C2CD2: variants seen among roughly 807,000 people sequenced by gnomAD.
C2CD2 encodes C2 domain-containing protein 2.
C2CD2 carries 43 observed loss-of-function variants against 74.3 expected under a neutral mutation model. The observed-to-expected ratio is 0.58, with a 90% CI of 0.45 to 0.75. The LOEUF (loss-of-function observed/expected upper bound fraction) is 0.75, where lower values mean the gene tolerates loss of function less well. Among genes scored for constraint, C2CD2 ranks in the 30% least tolerant of loss-of-function variants. C2CD2 has a pLI of 0.00. For missense variants in C2CD2, 801 were observed against 916.3 expected, an observed-to-expected ratio of 0.87 and a Z score of 1.63; for synonymous variants, 422 against 390.7, an observed-to-expected ratio of 1.08 and a Z score of -0.94.
Position 41,914,672 on chromosome 21 carries a change from G to A in C2CD2, c.770C>T (p.Pro257Leu), listed in dbSNP as rs141201487. The A allele has an allele frequency of 6.8e-6, 11 of 1,613,522 alleles. No individual in the cohort carries two copies. The highest frequency in any genetic ancestry group is 9.3e-6 in the Non-Finnish European group (11 of 1,179,438). Residue 257 changes from proline (P) to leucine (L), a missense_variant, in exon 6 of 14, where the codon CCT becomes CTT. By Grantham distance (98) the Pro-to-Leu change is moderately conservative (BLOSUM62 -3). Transcript: ENST00000380486. ...STAQESCPPK[P>L]PRAHELKLLV... ...TAGCTTCAGCTCGTGAGCCCTTGGAGGTTTAGGAGGACAGGATTCCTGAGC... is the reference window on the plus strand; with the variant it reads ...TAGCTTCAGCTCGTGAGCCCTTGGAAGTTTAGGAGGACAGGATTCCTGAGC...
At chr21:41,889,476 T>C in intron 13 of C2CD2, 132 bp from the exon 14 acceptor site, 1 of 646,186 alleles carries the variant, frequency 1.5e-6, no homozygotes. Context: ...TTCAATATGC[T>C]GTCACTACCT....
chr21:41,908,190 C>G (rs77721266), intron 8 of C2CD2: 11,353 of 261,162 alleles, frequency 0.043, 425 homozygotes, highest in Middle Eastern at 0.12. Flanking sequence ...TGGGAAAATA[C>G]ACACTAAAGA....
intron 3 of C2CD2, among the ~76,000 whole-genome samples, chr21:41,919,191 T>G (rs553491197): frequency 5.9e-5 from 9 of 152,318 alleles, no homozygotes; most frequent in African/African-American, 1.9e-4. Flanking sequence ...AGTGTGAATG[T>G]GTGCATGTGC....
At chr21:41,944,664 G>T (rs1458825673) in intron 1 of C2CD2, among the ~76,000 whole-genome samples, 1 of 152,002 alleles carries the variant, frequency 6.6e-6, no homozygotes, top group Admixed American at 6.6e-5. Context: ...TCAGGAGCAG[G>T]GTGTGCCTGC....
intron 2 of C2CD2, among the ~76,000 whole-genome samples, chr21:41,933,207 T>C (rs2065277995): frequency 6.7e-6 from 1 of 150,282 alleles, no homozygotes. Flanking sequence ...GAATGAGAAG[T>C]TCCTGTTTCT....
At chr21:41,928,868 A>G (rs2065239833) in intron 2 of C2CD2, among the ~76,000 whole-genome samples, 1 of 152,204 alleles carries the variant, frequency 6.6e-6, no homozygotes, top group Non-Finnish European at 1.5e-5. Flanking sequence ...CTGTGGTTTT[A>G]CAGATGCAAA....
In C2CD2 at chr21:41,907,142, A is replaced by T; in HGVS notation, c.1168T>A (p.Leu390Met). 1 of 1,614,140 alleles carries T rather than the reference A, an allele frequency of 6.2e-7. No homozygotes were observed. Among genetic ancestry groups the T allele is most frequent in the Non-Finnish European group, 8.5e-7 (1 of 1,180,008 alleles). ...GGGGGAGGGATGGGCCAGGATTTCA[A>T]TTCACCAGGTTCCATGTAAGAGAAC... ...AEFSYMEPGE[L>M]KSWPIPPPVP... Residue 390 changes from leucine (L) to methionine (M), a missense_variant, in exon 10 of 14, where the codon TTG (leucine) becomes ATG (methionine). Physicochemically the swap from Leu to Met is conservative, Grantham distance 15. Transcript: ENST00000380486.
chr21:41,947,317 C>G (rs971113783), intron 1 of C2CD2, among the ~76,000 whole-genome samples: 2 of 151,884 alleles, frequency 1.3e-5, no homozygotes, highest in Non-Finnish European at 2.9e-5. Flanking sequence ...ACCACCACGC[C>G]CAGCTAATTT....
In C2CD2 at chr21:41,899,088, C is replaced by A. The variant is rs1363837192; in HGVS notation, c.1835G>T (p.Ser612Ile). The A allele has an allele frequency of 1.9e-6, 3 of 1,613,818 alleles. No individual in the cohort carries two copies. The African/African-American group carries it at 4.0e-5, about 22-fold the overall frequency. The change falls in exon 13 of 14, where the codon AGT becomes ATT. Residue 612 changes from serine (S) to isoleucine (I), a missense_variant. Ser to Ile is a moderately radical substitution (Grantham distance 142). Coordinates refer to ENST00000380486, the MANE Select transcript of C2CD2 (RefSeq NM_015500.2). This position sits in a 1 kb window ranked among gnomAD's most constrained non-coding sequence, Gnocchi z 4.4. Reference sequence around the variant, plus strand: ...TTTGGCAGTGCCCGGCTCCAAGACACTCATGGAGCTCTCTGACAGCTCATC... The same window carrying A: ...TTTGGCAGTGCCCGGCTCCAAGACAATCATGGAGCTCTCTGACAGCTCATC... ...DGDELSESSM[S>I]VLEPGTAKKH... is the part of the protein sequence containing the mutation.
At position 41,923,789 on chromosome 21, in the gene C2CD2, T is replaced by A. The variant is rs2146202476; in HGVS notation, c.379-1704A>T. Among the ~76,000 whole-genome samples, 1 of 152,190 alleles carries A rather than the reference T, an allele frequency of 6.6e-6. No individual in the cohort carries two copies. Among genetic ancestry groups the A allele is most frequent in the South Asian group, 2.1e-4 (1 of 4,804 alleles). Reference sequence around the variant, plus strand: ...CTGCCACAGATTCCTCTACAGAAGCTGATGTAGAATGAGAGGTCAGACCCC... The same window carrying A: ...CTGCCACAGATTCCTCTACAGAAGCAGATGTAGAATGAGAGGTCAGACCCC... On this transcript the variant is annotated intron_variant, in intron 2 of 13. Coordinates refer to ENST00000380486, the MANE Select transcript of C2CD2 (RefSeq NM_015500.2). The surrounding 1 kb of genome is among the most constrained non-coding windows in gnomAD (Gnocchi z 5.8).
intron 1 of C2CD2, among the ~76,000 whole-genome samples, chr21:41,946,327 T>C (rs1359828800): frequency 2.6e-5 from 4 of 152,192 alleles, no homozygotes; most frequent in African/African-American, 9.6e-5. Flanking sequence ...CGAATTTTAA[T>C]CTCCAGTGTT....
chr21:41,915,764 T>C (rs769256925), intron 5 of C2CD2, among the ~76,000 whole-genome samples: 5 of 152,146 alleles, frequency 3.3e-5, no homozygotes, highest in Non-Finnish European at 7.4e-5. Flanking sequence ...ATTTTATTTA[T>C]TTTGTTCGTT....
chr21:41,951,131 T>G (rs2057497831), intron 1 of C2CD2, among the ~76,000 whole-genome samples: 1 of 152,060 alleles, frequency 6.6e-6, no homozygotes, highest in Non-Finnish European at 1.5e-5. Flanking sequence ...CCCAGGATGC[T>G]GGGATGTGTG....
rs1478638907 is a variant in C2CD2 at position 41,953,680 on chromosome 21, C to T, written c.-32G>A. Reference sequence around the variant, plus strand: ...TCCCCGGCCCGCCTCGCCCCAACTTCCCCGGCAGCCCCGGGCCGGAACGGC... The same window carrying T: ...TCCCCGGCCCGCCTCGCCCCAACTTTCCCGGCAGCCCCGGGCCGGAACGGC... On this transcript the variant is annotated 5_prime_UTR_variant, in exon 1 of 14. Transcript: ENST00000380486. 1.7e-5 allele frequency: 23 copies of T among 1,369,032 alleles called. No homozygotes were observed. The highest frequency in any genetic ancestry group is 2.2e-5 in the Non-Finnish European group (23 of 1,065,632). 84.8% of individuals were successfully genotyped at this position (1,369,032 alleles called of 1,614,324 possible).
At chr21:41,936,353 T>A (rs181640491) in intron 2 of C2CD2, among the ~76,000 whole-genome samples, 1 of 152,318 alleles carries the variant, frequency 6.6e-6, no homozygotes, top group African/African-American at 2.4e-5. Context: ...TCAACATCAC[T>A]AATCATTAGG....
At chr21:41,896,713 A>AC (rs996390153) in intron 13 of C2CD2, among the ~76,000 whole-genome samples, 17 of 151,448 alleles carry the variant, frequency 1.1e-4, no homozygotes, top group African/African-American at 3.9e-4. Flanking sequence ...AAACCAAAAA[A>AC]AAAAAAAAAA....
intron 13 of C2CD2, chr21:41,894,756 T>C (rs2839410): frequency 0.087 from 39,552 of 456,704 alleles, 2,113 homozygotes; most frequent in Middle Eastern, 0.17. Flanking sequence ...GAAAGCCTGT[T>C]TCGACTTGGA....
chr21:41,941,220 G>T (rs1329991048), intron 2 of C2CD2, among the ~76,000 whole-genome samples: 3 of 152,104 alleles, frequency 2.0e-5, no homozygotes, highest in Admixed American at 6.5e-5. Flanking sequence ...AATTAGCCAG[G>T]CACGGTGACA....
At chr21:41,909,998 TAAA>T (rs4009689) in intron 7 of C2CD2, among the ~76,000 whole-genome samples, 223 of 143,616 alleles carry the variant, frequency 1.6e-3, no homozygotes, top group Non-Finnish European at 1.7e-3. Flanking sequence ...ACAAAGGCAT[TAAA>T]AAAAAAAAAA....
Sources: gnomAD v4.1 joint callset for allele counts (sites outside exome capture counted in the v4.1 genomes callset) on GRCh38, gnomAD v4.1.1 for gene constraint, Gnocchi (gnomAD v3.1) non-coding constraint, MANE v1.5 for transcripts, NCBI Gene and HGNC (gene_info 2026-07-23, HGNC 2026-07-21) for gene names.